The following RBFOX1 variants were observed in gnomAD, a reference collection of about 807,000 sequenced individuals.
The protein encoded by RBFOX1 is RNA binding fox-1 homolog 1.
A neutral mutation model predicts 57.7 loss-of-function variants in RBFOX1; 8 were observed. The observed-to-expected ratio is 0.14, with a 90% CI of 0.08 to 0.25. RBFOX1 has a LOEUF of 0.25. RBFOX1 is among the 10% of genes least tolerant of loss of function. The pLI is 1.00. For missense variants in RBFOX1, 611 were observed against 548.5 expected (o/e 1.11, Z -1.14); for synonymous variants, 326 against 222.4 (o/e 1.47, Z -4.15).
intron 4 of RBFOX1, among the ~76,000 whole-genome samples, chr16:7,279,710 C>A (rs569948085): frequency 4.6e-5 from 7 of 152,170 alleles, no homozygotes; most frequent in Non-Finnish European, 1.0e-4. Context: ...GCATAATGGG[C>A]GACGTAAGCT....
At chr16:6,141,779 G>T (rs1368305131) in intron 1 of RBFOX1, among the ~76,000 whole-genome samples, 1 of 152,102 alleles carries the variant, frequency 6.6e-6, no homozygotes, top group Non-Finnish European at 1.5e-5. Context: ...AAAGGTGAAA[G>T]AACTCTTTTT....
intron 3 of RBFOX1, among the ~76,000 whole-genome samples, chr16:5,810,232 G>C (rs1303460498): frequency 2.0e-5 from 3 of 151,936 alleles, no homozygotes; most frequent in Non-Finnish European, 2.9e-5. Flanking sequence ...GCTAAATGCT[G>C]AGTTAATGGG....
At chr16:6,054,743 A>C (rs141903073) in intron 1 of RBFOX1, among the ~76,000 whole-genome samples, 8 of 152,256 alleles carry the variant, frequency 5.3e-5, no homozygotes, top group African/African-American at 1.9e-4. Context: ...TTCACATAAG[A>C]TTCATCGGTG....
At chr16:7,158,157 G>A (rs1382450639) in intron 4 of RBFOX1, among the ~76,000 whole-genome samples, 2 of 152,054 alleles carry the variant, frequency 1.3e-5, no homozygotes, top group Non-Finnish European at 2.9e-5. Context: ...GAACAGCCTG[G>A]CCAACATGGT....
At chr16:7,386,362 C>A (rs1288578453) in intron 4 of RBFOX1, among the ~76,000 whole-genome samples, 1 of 152,060 alleles carries the variant, frequency 6.6e-6, no homozygotes, top group East Asian at 1.9e-4. Flanking sequence ...AGATATTTCT[C>A]CTAAAGCTAT....
chr16:6,571,979 T>C (rs2097350990), intron 2 of RBFOX1, among the ~76,000 whole-genome samples: 1 of 152,204 alleles, frequency 6.6e-6, no homozygotes, highest in African/African-American at 2.4e-5. Context: ...GTTAACAATT[T>C]GGTGATAGCC....
intron 2 of RBFOX1, among the ~76,000 whole-genome samples, chr16:6,440,801 GAAAAA>G (rs140805062): frequency 8.4e-6 from 1 of 118,584 alleles, no homozygotes; most frequent in African/African-American, 3.1e-5. Context: ...ACACCATCTG[GAAAAA>G]AAAAAAAAAA....
chr16:6,096,652 C>A (rs2096248402), intron 1 of RBFOX1, among the ~76,000 whole-genome samples: 1 of 152,178 alleles, frequency 6.6e-6, no homozygotes, highest in Non-Finnish European at 1.5e-5. Flanking sequence ...GATACAGTGG[C>A]ATCAATCTTA....
At chr16:6,590,681 A>G (rs1449035840) in intron 2 of RBFOX1, among the ~76,000 whole-genome samples, 3 of 152,318 alleles carry the variant, frequency 2.0e-5, no homozygotes, top group East Asian at 3.9e-4. Context: ...TTACATGCAT[A>G]CTACGAATCT....
chr16:6,684,650 T>A (rs2059160089), intron 3 of RBFOX1, among the ~76,000 whole-genome samples: 2 of 152,140 alleles, frequency 1.3e-5, no homozygotes, highest in African/African-American at 4.8e-5. Flanking sequence ...GGTGGCTTCT[T>A]TATCAGTGTC....
At chr16:5,410,164 G>C (rs1398933417) in intron 1 of RBFOX1, among the ~76,000 whole-genome samples, 1 of 151,388 alleles carries the variant, frequency 6.6e-6, no homozygotes, top group Non-Finnish European at 1.5e-5. Flanking sequence ...AGGAGTTCGA[G>C]ACCAGCCTGG....
intron 2 of RBFOX1, among the ~76,000 whole-genome samples, chr16:6,426,087 T>C (rs1017860592): frequency 7.2e-6 from 1 of 138,782 alleles, no homozygotes; most frequent in South Asian, 2.1e-4. Context: ...ATTTTCTCCC[T>C]CTCTCTCTCT....
intron 4 of RBFOX1, among the ~76,000 whole-genome samples, chr16:7,064,880 G>A (rs1000881416): frequency 1.3e-5 from 2 of 152,096 alleles, no homozygotes; most frequent in Non-Finnish European, 1.5e-5. Flanking sequence ...TTTTAAACTA[G>A]CTGTGGTATG....
intron 4 of RBFOX1, among the ~76,000 whole-genome samples, chr16:7,087,610 G>T (rs866289295): frequency 1.3e-5 from 2 of 151,948 alleles, no homozygotes; most frequent in African/African-American, 4.8e-5. Flanking sequence ...GGGAGAGAGA[G>T]AGAGGCAGCC....
chr16:7,491,484 C>T (rs570994282), intron 4 of RBFOX1, among the ~76,000 whole-genome samples: 1 of 151,486 alleles, frequency 6.6e-6, no homozygotes, highest in Non-Finnish European at 1.5e-5. Context: ...GATGTGATCC[C>T]TCTGATTTTC....
intron 3 of RBFOX1, among the ~76,000 whole-genome samples, chr16:6,675,815 C>T (rs1019288166): frequency 6.6e-6 from 1 of 152,118 alleles, no homozygotes; most frequent in Non-Finnish European, 1.5e-5. Context: ...AATCAATTAT[C>T]TCCCACCAGG....
At chr16:5,752,262 G>A (rs1472917391) in intron 3 of RBFOX1, among the ~76,000 whole-genome samples, 1 of 152,160 alleles carries the variant, frequency 6.6e-6, no homozygotes, top group East Asian at 1.9e-4. Flanking sequence ...TACACACTGG[G>A]ACCTTTTAGA....
At chr16:5,325,418 A>G (rs1006349491) in intron 1 of RBFOX1, among the ~76,000 whole-genome samples, 9 of 152,080 alleles carry the variant, frequency 5.9e-5, no homozygotes, top group Non-Finnish European at 1.2e-4. Context: ...TAAATTTTCT[A>G]CCACATTTGT....
intron 1 of RBFOX1, among the ~76,000 whole-genome samples, chr16:5,427,477 G>A (rs2067597113): frequency 6.6e-6 from 1 of 152,022 alleles, no homozygotes. Flanking sequence ...CCCAGCTACT[G>A]GGAAGGCTGA....
Sources: allele counts gnomAD v4.1 joint callset (sites outside exome capture counted in the v4.1 genomes callset), GRCh38; gene constraint gnomAD v4.1.1; transcripts MANE v1.5; gene names NCBI Gene and HGNC (gene_info 2026-07-23, HGNC 2026-07-21).